Variants in LY6S observed in about 807,000 individuals in gnomAD.
LY6S encodes lymphocyte antigen 6 family member S, also known as lymphocyte antigen 6S.
At chr8:143,042,896 A>G in the LY6S span, 1 of 777,092 alleles carries the variant, frequency 1.3e-6, no homozygotes, top group South Asian at 1.4e-5. Context: ...GTTGGGGGGC[A>G]TGGGCTGGAG....
the LY6S span, among the ~76,000 whole-genome samples, chr8:143,046,898 G>T: frequency 6.6e-6 from 1 of 151,996 alleles, no homozygotes; most frequent in Non-Finnish European, 1.5e-5. Flanking sequence ...CTACTCAGGA[G>T]GCTGAGGCAG....
chr8:143,045,521 G>A, the LY6S span, among the ~76,000 whole-genome samples: 4 of 152,012 alleles, frequency 2.6e-5, no homozygotes, highest in Non-Finnish European at 4.4e-5. The surrounding 1 kb of genome is among the most constrained non-coding windows in gnomAD (Gnocchi z 5.3). Context: ...TCTGCCTCAC[G>A]CCCCCACCCC....
the LY6S span, chr8:143,065,970 G>A: frequency 6.3e-4 from 208 of 328,408 alleles, 1 homozygote; most frequent in Non-Finnish European, 1.0e-3. Flanking sequence ...AAATCGAGGC[G>A]GGGGTGTTCG....
chr8:143,060,148 G>A, the LY6S span, among the ~76,000 whole-genome samples: 1 of 152,200 alleles, frequency 6.6e-6, no homozygotes, highest in Non-Finnish European at 1.5e-5. Context: ...GTCATGCCCG[G>A]ACAGGGCCAC....
chr8:143,053,257 A>T, the LY6S span: 1 of 152,102 alleles, frequency 6.6e-6, no homozygotes, highest in Non-Finnish European at 1.5e-5. Context: ...GACACCCGGG[A>T]GCTCACAGAG....
At chr8:143,044,591 T>C in the LY6S span, 7 of 1,183,336 alleles carry the variant, frequency 5.9e-6, no homozygotes, top group Non-Finnish European at 7.6e-6. Context: ...TGCTGAGGGC[T>C]TGTAGGGGGA....
chr8:143,050,793 G>A, the LY6S span, among the ~76,000 whole-genome samples: 3 of 152,146 alleles, frequency 2.0e-5, no homozygotes, highest in African/African-American at 2.4e-5. Flanking sequence ...GGAAGTAGTT[G>A]CATGGAAAAT....
chr8:143,048,993 T>A, the LY6S span, among the ~76,000 whole-genome samples: 1 of 152,232 alleles, frequency 6.6e-6, no homozygotes, highest in South Asian at 2.1e-4. Flanking sequence ...TGATGAGACG[T>A]TGGGCCCCCC....
At chr8:143,052,533 C>T in the LY6S span, among the ~76,000 whole-genome samples, 4 of 152,182 alleles carry the variant, frequency 2.6e-5, no homozygotes, top group African/African-American at 4.8e-5. Context: ...GCCCTCCTTT[C>T]GAGGCTTTAA....
At chr8:143,069,968 C>A in the LY6S span, among the ~76,000 whole-genome samples, 1 of 152,082 alleles carries the variant, frequency 6.6e-6, no homozygotes, top group African/African-American at 2.4e-5. Context: ...GTGCACTAGT[C>A]AGCTCCTGCC....
At chr8:143,050,937 G>T in the LY6S span, among the ~76,000 whole-genome samples, 1 of 152,240 alleles carries the variant, frequency 6.6e-6, no homozygotes. Context: ...GGGGAAAGGC[G>T]CTTCACGGGT....
the LY6S span, among the ~76,000 whole-genome samples, chr8:143,068,870 C>T: frequency 1.6e-4 from 24 of 152,086 alleles, no homozygotes; most frequent in African/African-American, 5.6e-4. Flanking sequence ...ATTGTTTATC[C>T]TGTCACTGCA....
At chr8:143,044,776 C>A in the LY6S span, 2 of 1,367,356 alleles carry the variant, frequency 1.5e-6, no homozygotes, top group Admixed American at 1.9e-5. Context: ...GACCGCCAAG[C>A]ATCTGTAGCA....
the LY6S span, among the ~76,000 whole-genome samples, chr8:143,062,211 G>C: frequency 6.6e-6 from 1 of 152,124 alleles, no homozygotes; most frequent in Admixed American, 6.5e-5. Context: ...AATTTAACAG[G>C]GTTCTGAAGG....
At chr8:143,043,019 C>A in the LY6S span, 1 of 1,367,830 alleles carries the variant, frequency 7.3e-7, no homozygotes, top group South Asian at 1.1e-5. Context: ...AAAAGCCACA[C>A]CAGAATTCCT....
chr8:143,071,219 C>T, the LY6S span, among the ~76,000 whole-genome samples: 3 of 152,180 alleles, frequency 2.0e-5, no homozygotes. Context: ...GGAAGCTGTC[C>T]CCACAGTGAG....
At chr8:143,076,257 A>G in the LY6S span, among the ~76,000 whole-genome samples, 7 of 152,356 alleles carry the variant, frequency 4.6e-5, no homozygotes, top group East Asian at 9.6e-4. Flanking sequence ...TGAATTGCTC[A>G]GGCACAGGGA....
chr8:143,057,658 G>A, the LY6S span: 1 of 942,794 alleles, frequency 1.1e-6, no homozygotes, highest in East Asian at 2.4e-5. Flanking sequence ...ATTCAATGTT[G>A]AAGACTCAGC....
the LY6S span, among the ~76,000 whole-genome samples, chr8:143,059,222 T>C: frequency 6.6e-6 from 1 of 152,124 alleles, no homozygotes; most frequent in African/African-American, 2.4e-5. Flanking sequence ...AAATTCTCAA[T>C]GTTAATGAGG....
Sources: allele counts gnomAD v4.1 joint callset (sites outside exome capture counted in the v4.1 genomes callset), GRCh38; gene constraint gnomAD v4.1.1; non-coding constraint Gnocchi (gnomAD v3.1); transcripts MANE v1.5; gene names NCBI Gene and HGNC (gene_info 2026-07-23, HGNC 2026-07-21).